The following ANKRD30B variants were observed in gnomAD, a reference collection of about 807,000 sequenced individuals.
ANKRD30B encodes the protein ankyrin repeat domain-containing protein 30B.
A neutral mutation model predicts 202.2 loss-of-function variants in ANKRD30B; 144 were observed. That is an observed-to-expected ratio of 0.71 (90% confidence interval 0.62 to 0.82). The LOEUF is 0.82. ANKRD30B is among the 40% of genes least tolerant of loss of function. The pLI, the probability that ANKRD30B is intolerant of heterozygous loss-of-function variation, is 0.00. For synonymous variants in ANKRD30B, 508 were observed against 561.3 expected, an observed-to-expected ratio of 0.91 and a Z score of 1.34; for missense variants, 1,487 against 1,669.1, an observed-to-expected ratio of 0.89 and a Z score of 1.90.
chr18:14,766,470 C>A (rs1916179252), intron 7 of ANKRD30B, among the ~76,000 whole-genome samples: 1 of 5,866 alleles, frequency 1.7e-4, no homozygotes, highest in Non-Finnish European at 4.0e-4. Context: ...GAGACTCCAT[C>A]TCAAAAAAAA....
chr18:14,923,352 A>T, the ANKRD30B span, among the ~76,000 whole-genome samples: 4 of 152,174 alleles, frequency 2.6e-5, no homozygotes, highest in Non-Finnish European at 5.9e-5. Flanking sequence ...CTAAGTGAAC[A>T]TTGGCAGTGG....
intron 8 of ANKRD30B, among the ~76,000 whole-genome samples, chr18:14,770,625 A>G (rs891978692): frequency 1.2e-4 from 19 of 152,312 alleles, no homozygotes; most frequent in Admixed American, 1.2e-3. Flanking sequence ...GGGTTTTACC[A>G]AAGAGATCAG....
intron 1 of ANKRD30B, 22 bp downstream of exon 1, chr18:14,748,662 G>A (rs1250101610): frequency 2.2e-5 from 33 of 1,515,834 alleles, no homozygotes; most frequent in Non-Finnish European, 2.7e-5. Context: ...TGCCTGAGCC[G>A]GGGCTGCAGG....
At chr18:14,774,541 TTC>T (rs1967228700) in intron 9 of ANKRD30B, among the ~76,000 whole-genome samples, 1 of 152,192 alleles carries the variant, frequency 6.6e-6, no homozygotes, top group Non-Finnish European at 1.5e-5. Context: ...TATTCTTTTT[TTC>T]TCTGTTTCTT....
chr18:14,930,501 A>G, the ANKRD30B span, among the ~76,000 whole-genome samples: 4 of 152,234 alleles, frequency 2.6e-5, no homozygotes, highest in Admixed American at 2.6e-4. Context: ...AGAGCTGGAG[A>G]GTGGAGAGGA....
intron 16 of ANKRD30B, among the ~76,000 whole-genome samples, chr18:14,792,313 A>T (rs1320633145): frequency 2.0e-5 from 3 of 152,108 alleles, no homozygotes; most frequent in Non-Finnish European, 4.4e-5. Flanking sequence ...CAGGACAGAA[A>T]AGGGTCAGGA....
chr18:14,900,921 C>T, the ANKRD30B span, among the ~76,000 whole-genome samples: 78,059 of 151,994 alleles, frequency 0.51, 20,311 homozygotes, highest in African/African-American at 0.54. Flanking sequence ...AGAGTTCTCA[C>T]TCTTCCAGAT....
intron 32 of ANKRD30B, among the ~76,000 whole-genome samples, chr18:14,827,605 T>G (rs1375862939): frequency 6.6e-6 from 1 of 152,186 alleles, no homozygotes; most frequent in Non-Finnish European, 1.5e-5. Context: ...TTAATGATTT[T>G]GGTATGAGAG....
At chr18:14,826,866 C>A (rs1330531377) in intron 32 of ANKRD30B, among the ~76,000 whole-genome samples, 7 of 152,034 alleles carry the variant, frequency 4.6e-5, no homozygotes, top group Non-Finnish European at 8.8e-5. Flanking sequence ...AAGTTTAATT[C>A]ATAAATTAGG....
the ANKRD30B span, among the ~76,000 whole-genome samples, chr18:14,936,656 A>G: frequency 6.6e-6 from 1 of 152,210 alleles, no homozygotes; most frequent in African/African-American, 2.4e-5. Flanking sequence ...GGGGCAGACA[A>G]TAAGAAACAA....
chr18:14,749,171 G>A (rs1396819289), intron 1 of ANKRD30B, among the ~76,000 whole-genome samples: 1 of 152,130 alleles, frequency 6.6e-6, no homozygotes, highest in Non-Finnish European at 1.5e-5. Context: ...GAAACTTCGA[G>A]GTGGGAAGAT....
intron 37 of ANKRD30B, among the ~76,000 whole-genome samples, chr18:14,841,204 G>A (rs761753017): frequency 6.6e-6 from 1 of 152,160 alleles, no homozygotes; most frequent in Non-Finnish European, 1.5e-5. Flanking sequence ...GTGAATATAA[G>A]CATATTTTCA....
chr18:14,752,033 T>G (rs763309804), intron 1 of ANKRD30B, among the ~76,000 whole-genome samples: 58 of 152,324 alleles, frequency 3.8e-4, no homozygotes, highest in Non-Finnish European at 4.4e-4. Flanking sequence ...CTTAGAATCA[T>G]TAAAATACTG....
chr18:14,890,982 GAC>G, the ANKRD30B span, among the ~76,000 whole-genome samples: 1 of 151,864 alleles, frequency 6.6e-6, no homozygotes, highest in East Asian at 1.9e-4. Context: ...GTATTTTAAT[GAC>G]ACACTAAATA....
At chr18:14,835,441 T>G (rs1240182828) in intron 34 of ANKRD30B, among the ~76,000 whole-genome samples, 2 of 151,570 alleles carry the variant, frequency 1.3e-5, no homozygotes, top group Admixed American at 1.3e-4. Context: ...AATGGGGATA[T>G]TTTATATTAT....
the ANKRD30B span, among the ~76,000 whole-genome samples, chr18:14,912,044 A>G: frequency 5.8e-4 from 88 of 152,300 alleles, no homozygotes; most frequent in Non-Finnish European, 1.1e-3. Flanking sequence ...AGTTTTCTAC[A>G]TATAGATCAT....
At chr18:14,912,632 A>G in the ANKRD30B span, among the ~76,000 whole-genome samples, 1 of 152,232 alleles carries the variant, frequency 6.6e-6, no homozygotes, top group Non-Finnish European at 1.5e-5. Context: ...CTGGCCTTGT[A>G]GAAAGAAGTA....
At chr18:14,927,758 T>C in the ANKRD30B span, among the ~76,000 whole-genome samples, 2 of 152,212 alleles carry the variant, frequency 1.3e-5, no homozygotes, top group Non-Finnish European at 2.9e-5. Context: ...GATGAGAATT[T>C]TGAGCTAACT....
At chr18:14,850,020 C>T (rs1337430762) in intron 40 of ANKRD30B, among the ~76,000 whole-genome samples, 194 bp from the exon 41 acceptor site, 2 of 151,140 alleles carry the variant, frequency 1.3e-5, no homozygotes, top group Non-Finnish European at 3.0e-5. Flanking sequence ...AGTTTTTTCT[C>T]ACTATTTTTC....
Sources: gnomAD v4.1 joint callset for allele counts (sites outside exome capture counted in the v4.1 genomes callset) on GRCh38, gnomAD v4.1.1 for gene constraint, MANE v1.5 for transcripts, NCBI Gene and HGNC (gene_info 2026-07-23, HGNC 2026-07-21) for gene names.